Variants in MIGA1 observed in about 807,000 individuals in gnomAD.
The protein encoded by MIGA1 is family with sequence similarity 73, member A.
In MIGA1, 58 loss-of-function variants were observed where a neutral mutation model predicts 82.0. That is an observed-to-expected ratio of 0.71 (90% CI 0.57 to 0.88). The LOEUF (loss-of-function observed/expected upper bound fraction) is 0.88, where lower values mean the gene tolerates loss of function less well. Among genes scored for constraint, MIGA1 ranks in the 40% least tolerant of loss-of-function variants. The pLI, the probability that MIGA1 is intolerant of heterozygous loss-of-function variation, is 0.00. For missense variants in MIGA1, 751 were observed against 749.1 expected (o/e 1.00, Z -0.03); for synonymous variants, 249 against 253.6 (o/e 0.98, Z 0.17).
rs184119577 is a variant in MIGA1, at chr1:77,866,320, T to A, written c.1510-18T>A. The A allele has an allele frequency of 4.9e-5, 79 of 1,612,836 alleles. No homozygotes were observed. The East Asian group carries it at 1.7e-3, about 35-fold the overall frequency. On this transcript the variant is annotated intron_variant, in intron 13 of 15. Transcript: ENST00000370791. Reference sequence around the variant, plus strand: ...ATATAGCTATATATAAATCTTTCTTTTCTCTGCATGTATTTAGGCTGTGGC... The same window carrying A: ...ATATAGCTATATATAAATCTTTCTTATCTCTGCATGTATTTAGGCTGTGGC...
At chr1:77,852,487 A>G (rs916999544) in intron 8 of MIGA1, among the ~76,000 whole-genome samples, 3 of 152,150 alleles carry the variant, frequency 2.0e-5, no homozygotes, top group African/African-American at 2.4e-5. Flanking sequence ...CCTAATGGAC[A>G]TATTTATGTA....
chr1:77,807,190 C>T (rs567990661), intron 5 of MIGA1, 89 bp downstream of exon 5: 1 of 1,021,628 alleles, frequency 9.8e-7, no homozygotes, highest in Admixed American at 2.3e-5. Flanking sequence ...CAGACAGGGT[C>T]TCACTCTGTC....
intron 15 of MIGA1, among the ~76,000 whole-genome samples, chr1:77,874,543 T>A (rs1221057067): frequency 6.6e-6 from 1 of 152,168 alleles, no homozygotes; most frequent in Non-Finnish European, 1.5e-5. Flanking sequence ...ATAGATTATC[T>A]TTTTTTAAAT....
chr1:77,847,765 A>G (rs1430881628), intron 8 of MIGA1: 1 of 1,589,186 alleles, frequency 6.3e-7, no homozygotes, highest in African/African-American at 1.4e-5. Context: ...GGTATAAAGG[A>G]AGAGAAATCA....
intron 2 of MIGA1, among the ~76,000 whole-genome samples, chr1:77,797,810 G>C (rs1682721103): frequency 6.6e-6 from 1 of 152,056 alleles, no homozygotes; most frequent in Non-Finnish European, 1.5e-5. Context: ...TTTGTATTCT[G>C]TTATCTTGTG....
intron 8 of MIGA1, among the ~76,000 whole-genome samples, chr1:77,857,275 C>T (rs918713034): frequency 4.7e-5 from 7 of 149,860 alleles, no homozygotes; most frequent in East Asian, 1.9e-4. Flanking sequence ...TATTGAAATG[C>T]GAGGTACTAT....
At chr1:77,787,853 TCACC>T (rs1682238358) in intron 2 of MIGA1, among the ~76,000 whole-genome samples, 1 of 151,156 alleles carries the variant, frequency 6.6e-6, no homozygotes. Context: ...TCTCACTCTG[TCACC>T]CAAGCTGGAG....
intron 5 of MIGA1, among the ~76,000 whole-genome samples, chr1:77,807,808 C>T (rs938049313): frequency 4.6e-5 from 7 of 152,064 alleles, no homozygotes; most frequent in African/African-American, 1.4e-4. Flanking sequence ...TGTATCAAAT[C>T]TCCCTATCTC....
In MIGA1 at chr1:77,876,047, T is replaced by A. The variant is rs1646891544; in HGVS notation, c.*983T>A. 6.6e-6 allele frequency: 1 copy of A among 152,196 alleles called. No homozygotes were observed. The highest frequency in any genetic ancestry group is 1.5e-5 in the Non-Finnish European group (1 of 68,080). The allele number at this position is 152,196 out of a possible 1,614,324, so 9.4% of individuals were successfully genotyped here. A position where few individuals can be genotyped will look rare whatever the true frequency, so the allele number is the denominator to read the frequency against. On this transcript the variant is annotated 3_prime_UTR_variant, in exon 16 of 16. Transcript: ENST00000370791. Reference sequence around the variant, plus strand: ...ACTCGGGAGGCTGACACAGGAGTATTGCTTGAACCCAGGAAGTGGAGGCTG... The same window carrying A: ...ACTCGGGAGGCTGACACAGGAGTATAGCTTGAACCCAGGAAGTGGAGGCTG...
At chr1:77,823,133 G>A (rs1383044145) in intron 7 of MIGA1, among the ~76,000 whole-genome samples, 1 of 151,970 alleles carries the variant, frequency 6.6e-6, no homozygotes, top group Non-Finnish European at 1.5e-5. Context: ...GAGCCACCAC[G>A]CCCGGCCCAG....
At chr1:77,831,099 TC>T (rs1449444236) in intron 7 of MIGA1, among the ~76,000 whole-genome samples, 2 of 152,226 alleles carry the variant, frequency 1.3e-5, no homozygotes, top group East Asian at 3.8e-4. Context: ...TTCCCATACC[TC>T]ACAATTGATG....
rs1685405998 is a variant in MIGA1 at position 77,860,040 on chromosome 1, G to A, written c.1189G>A (p.Val397Ile). 7 of 1,599,212 alleles carry A rather than the reference G, an allele frequency of 4.4e-6. No homozygotes were observed. The East Asian group carries it at 1.6e-4, about 36-fold the overall frequency. Residue 397 changes from valine (V) to isoleucine (I), a missense_variant and splice_region_variant, in exon 11 of 16, where the codon GTA becomes ATA. Around this residue, in one of 3 missense-constraint regions of MIGA1, gnomAD observed 265 missense variants for 293.6 expected, o/e 0.90. Transcript: ENST00000370791. ...TCTTTGGGGATGAATATTTTTTCAG[G>A]TAATTCTTTCAGAATCAGCTAACAG...
intron 7 of MIGA1, among the ~76,000 whole-genome samples, chr1:77,834,812 G>C (rs1222528431): frequency 6.6e-6 from 1 of 152,168 alleles, no homozygotes; most frequent in South Asian, 2.1e-4. Flanking sequence ...GACAGCAGAA[G>C]CTTTTCCATT....
Position 77,878,616 on chromosome 1 carries a change from C to T in MIGA1, c.*3552C>T, listed in dbSNP as rs1269484310. ...AAGAGGGACTTCAATTAAGTCACTC[C>T]TGAGAAAATATCCTTTTTTCTAGAA... On this transcript the variant is annotated 3_prime_UTR_variant, in exon 16 of 16. Coordinates refer to ENST00000370791, the MANE Select transcript of MIGA1 (RefSeq NM_198549.4). 3.3e-6 allele frequency: 1 copy of T among 300,432 alleles called. No homozygotes were observed. The highest frequency in any genetic ancestry group is 2.1e-5 in the African/African-American group (1 of 46,694). The allele number at this position is 300,432 out of a possible 1,614,324, so 18.6% of individuals were successfully genotyped here.
intron 8 of MIGA1, among the ~76,000 whole-genome samples, chr1:77,857,665 G>A (rs1318939339): frequency 1.3e-5 from 2 of 151,662 alleles, no homozygotes; most frequent in Non-Finnish European, 1.5e-5. Flanking sequence ...GTGACAGAGC[G>A]AGATCCTGTT....
intron 8 of MIGA1, among the ~76,000 whole-genome samples, chr1:77,845,896 T>G (rs968653499): frequency 6.6e-6 from 1 of 152,100 alleles, no homozygotes; most frequent in African/African-American, 2.4e-5. Flanking sequence ...ATTAACAAGA[T>G]TTTCCTGTAT....
intron 7 of MIGA1, among the ~76,000 whole-genome samples, chr1:77,829,611 G>T (rs1171873656): frequency 2.0e-5 from 3 of 151,968 alleles, no homozygotes; most frequent in African/African-American, 7.2e-5. Flanking sequence ...TGGGAGTACA[G>T]GCACCTGCCA....
chr1:77,810,756 A>G, intron 5 of MIGA1: 2 of 1,215,976 alleles, frequency 1.6e-6, no homozygotes, highest in South Asian at 1.5e-5. Flanking sequence ...TGGTCTGGGT[A>G]CGGCTTGCTT....
At chr1:77,819,687 G>A (rs547250923) in intron 7 of MIGA1, among the ~76,000 whole-genome samples, 14 of 152,082 alleles carry the variant, frequency 9.2e-5, no homozygotes, top group Admixed American at 2.6e-4. Context: ...GGGCTCAAGC[G>A]ATCCTCTCAC....
Sources: allele counts gnomAD v4.1 joint callset (sites outside exome capture counted in the v4.1 genomes callset), GRCh38; gene constraint gnomAD v4.1.1; regional missense constraint gnomAD v4.1.1; transcripts MANE v1.5; gene names NCBI Gene and HGNC (gene_info 2026-07-23, HGNC 2026-07-21).